GLIS1: variants seen among roughly 807,000 people sequenced by gnomAD.
The protein encoded by GLIS1 is GLIS family zinc finger 1, also known as zinc finger protein GLIS1.
A neutral mutation model predicts 63.8 loss-of-function variants in GLIS1; 24 were observed. That is an observed-to-expected ratio of 0.38 (90% CI 0.27 to 0.53). GLIS1 has a LOEUF of 0.53. Among genes scored for constraint, GLIS1 ranks in the 20% least tolerant of loss-of-function variants. GLIS1 has a pLI of 0.85. For missense variants in GLIS1, 1,036 were observed against 1,074.1 expected, an observed-to-expected ratio of 0.96 and a Z score of 0.50; for synonymous variants, 450 against 482.5, an observed-to-expected ratio of 0.93 and a Z score of 0.88.
intron 4 of GLIS1, among the ~76,000 whole-genome samples, chr1:53,541,707 G>A (rs1644644896): frequency 6.6e-6 from 1 of 152,248 alleles, no homozygotes; most frequent in South Asian, 2.1e-4. Context: ...AACAGACAGA[G>A]GCAAACCCAT....
At chr1:53,531,624 C>T (rs1244032394) in intron 4 of GLIS1, among the ~76,000 whole-genome samples, 1 of 152,204 alleles carries the variant, frequency 6.6e-6, no homozygotes, top group Non-Finnish European at 1.5e-5. Context: ...TGGGTCCTGC[C>T]CTCTAGGTGT....
Position 53,579,606 on chromosome 1 carries a change from C to T in GLIS1, c.1320+14502G>A, listed in dbSNP as rs938299320. ...GAGGTGCTGACTGCAGGCATCATAC[C>T]CTCTGTTCCTATCAGCTGGAGCTGG... On this transcript the variant is annotated intron_variant, in intron 4 of 10. Transcript: ENST00000628545. 2.6e-4 allele frequency among the ~76,000 whole-genome samples: 39 copies of T among 152,224 alleles called. 1 individual carries two copies. The highest frequency in any genetic ancestry group is 1.4e-3 in the Admixed American group (22 of 15,290).
intron 4 of GLIS1, among the ~76,000 whole-genome samples, chr1:53,534,616 T>C (rs999717706): frequency 6.6e-6 from 1 of 152,022 alleles, no homozygotes; most frequent in African/African-American, 2.4e-5. Flanking sequence ...AGGTAAGCCC[T>C]GTGGCCTGAA....
At chr1:53,517,953 C>T (rs779757148) in intron 7 of GLIS1, among the ~76,000 whole-genome samples, 4 of 152,246 alleles carry the variant, frequency 2.6e-5, no homozygotes, top group Non-Finnish European at 1.5e-5. Context: ...CGAGGGGCAG[C>T]GGAAGTGGGG....
chr1:53,529,639 C>A lies in GLIS1; in HGVS notation c.1482+152G>T, dbSNP rs1180625207. On this transcript the variant is annotated intron_variant, in intron 5 of 10. Coordinates refer to ENST00000628545, the MANE Select transcript of GLIS1 (RefSeq NM_001367484.1). ...GATAACTGCTAAACATTCTAGAATGCAGAGGACACCATCCGACCCACTGCC... is the reference window on the plus strand; with the variant it reads ...GATAACTGCTAAACATTCTAGAATGAAGAGGACACCATCCGACCCACTGCC... 5.5e-6 allele frequency: 4 copies of A among 729,142 alleles called. No homozygotes were observed. In the African/African-American group the frequency reaches 7.1e-5, roughly 13 times the overall value. 45.2% of individuals were successfully genotyped at this position (729,142 alleles called of 1,614,324 possible).
In GLIS1 at chr1:53,586,563, T is replaced by C. The variant is rs568577624; in HGVS notation, c.1320+7545A>G. Among the ~76,000 whole-genome samples, 10 of 152,354 alleles carry C rather than the reference T, an allele frequency of 6.6e-5. No homozygotes were observed. The East Asian group carries it at 7.7e-4, about 12-fold the overall frequency. ...ATTCTGATATACTTACTGTGTGCCATTGTCTAGTTTCTCATCAAAGCCTCA... is the reference window on the plus strand; with the variant it reads ...ATTCTGATATACTTACTGTGTGCCACTGTCTAGTTTCTCATCAAAGCCTCA... On this transcript the variant is annotated intron_variant, in intron 4 of 10. Coordinates refer to ENST00000628545, the MANE Select transcript of GLIS1 (RefSeq NM_001367484.1).
At chr1:53,565,300 T>A (rs904978926) in intron 4 of GLIS1, among the ~76,000 whole-genome samples, 1 of 151,856 alleles carries the variant, frequency 6.6e-6, no homozygotes, top group Non-Finnish European at 1.5e-5. Context: ...AGGCTGAAAA[T>A]TAATGTGCTA....
At chr1:53,515,924 G>A (rs920901542) in intron 7 of GLIS1, among the ~76,000 whole-genome samples, 9 of 151,772 alleles carry the variant, frequency 5.9e-5, no homozygotes, top group Admixed American at 3.3e-4. Flanking sequence ...TGGCTTCTCC[G>A]GGGCTCATCT....
At chr1:53,714,498 A>G (rs868198868) in intron 2 of GLIS1, among the ~76,000 whole-genome samples, 1 of 152,188 alleles carries the variant, frequency 6.6e-6, no homozygotes, top group African/African-American at 2.4e-5. Flanking sequence ...GAAAACAGAG[A>G]TCTTACAAAA....
chr1:53,714,157 G>A (rs1334290225), intron 2 of GLIS1, among the ~76,000 whole-genome samples: 1 of 152,250 alleles, frequency 6.6e-6, no homozygotes, highest in Admixed American at 6.5e-5. Flanking sequence ...AGATGGGGAT[G>A]AGCCTAAGAA....
In GLIS1 at chr1:53,506,730, C is replaced by T; in HGVS notation, c.2277G>A (p.Gln759=). The T allele has an allele frequency of 6.2e-7, 1 of 1,612,954 alleles. No individual in the cohort carries two copies. ...AEASCPTALP[Q]QPSEDVVSSG... is the part of the protein sequence containing the mutation. ...TGGACACCACATCTTCAGATGGCTG[C>T]TGTGGCAGCGCTGTGGGGCATGAGG... Residue 759 remains glutamine (Q), a synonymous_variant, in exon 11 of 11, where the codon CAG becomes CAA. Transcript: ENST00000628545.
intron 10 of GLIS1, among the ~76,000 whole-genome samples, chr1:53,507,703 C>T (rs1164785050): frequency 6.6e-6 from 1 of 152,144 alleles, no homozygotes; most frequent in East Asian, 1.9e-4. Flanking sequence ...GGCAGCTGAG[C>T]GGGCCTGGAG....
chr1:53,616,352 C>CGG (rs1645482723), intron 2 of GLIS1, among the ~76,000 whole-genome samples: 1 of 152,158 alleles, frequency 6.6e-6, no homozygotes, highest in Non-Finnish European at 1.5e-5. Flanking sequence ...AAACATATTC[C>CGG]ATCTGCGTTT....
chr1:53,550,764 A>G (rs1290211955), intron 4 of GLIS1, among the ~76,000 whole-genome samples: 3 of 152,208 alleles, frequency 2.0e-5, no homozygotes, highest in African/African-American at 7.2e-5. Flanking sequence ...AGGGAACATG[A>G]GGCACAGAGA....
At chr1:53,652,787 A>C (rs1170804859) in intron 2 of GLIS1, among the ~76,000 whole-genome samples, 1 of 152,184 alleles carries the variant, frequency 6.6e-6, no homozygotes, top group Non-Finnish European at 1.5e-5. Context: ...CCCTGGGGCC[A>C]GTCCTAGGAT....
At chr1:53,695,070 T>C (rs997726276) in intron 2 of GLIS1, among the ~76,000 whole-genome samples, 2 of 150,820 alleles carry the variant, frequency 1.3e-5, no homozygotes, top group Non-Finnish European at 2.9e-5. Context: ...CAATCCACAG[T>C]AGGCCCGCAT....
At chr1:53,738,380 T>A (rs1275064109) in intron 1 of GLIS1, among the ~76,000 whole-genome samples, 1 of 151,974 alleles carries the variant, frequency 6.6e-6, no homozygotes, top group Non-Finnish European at 1.5e-5. Context: ...CAAATCCTCC[T>A]CCACCGAAAC....
Position 53,693,910 on chromosome 1 carries a change from C to T in GLIS1, c.259+43896G>A, listed in dbSNP as rs544787464. 5.9e-5 allele frequency among the ~76,000 whole-genome samples: 9 copies of T among 152,362 alleles called. No homozygotes were observed. The East Asian group carries it at 1.2e-3, about 20-fold the overall frequency. On this transcript the variant is annotated intron_variant, in intron 2 of 10. Transcript: ENST00000628545. ...ATGCTTTGGGAAACAGGAAACATGA[C>T]GCAGACATGAGGAGGCTGTGTCATC... is the stretch of plus-strand genomic sequence containing the variant.
chr1:53,545,127 C>G (rs1351269665), intron 4 of GLIS1, among the ~76,000 whole-genome samples: 1 of 152,236 alleles, frequency 6.6e-6, no homozygotes, highest in Non-Finnish European at 1.5e-5. Flanking sequence ...CCCTCCAATT[C>G]TGTGAAAACC....
Sources: allele counts gnomAD v4.1 joint callset (sites outside exome capture counted in the v4.1 genomes callset), GRCh38; gene constraint gnomAD v4.1.1; transcripts MANE v1.5; gene names NCBI Gene and HGNC (gene_info 2026-07-23, HGNC 2026-07-21).